WWOX: variants seen among roughly 807,000 people sequenced by gnomAD.
The protein encoded by WWOX is WW domain containing oxidoreductase, also known as WW domain-containing oxidoreductase.
WWOX carries 69 observed loss-of-function variants against 46.2 expected under a neutral mutation model. That is an observed-to-expected ratio of 1.49 (90% CI 1.23 to 1.82). The LOEUF is 1.82. Among genes scored for constraint, WWOX ranks in the 40% most tolerant of loss-of-function variants. WWOX has a pLI of 0.00. For synonymous variants in WWOX, 359 were observed against 202.6 expected, an observed-to-expected ratio of 1.77 and a Z score of -6.56; for missense variants, 919 against 542.6, an observed-to-expected ratio of 1.69 and a Z score of -6.89.
intron 8 of WWOX, among the ~76,000 whole-genome samples, chr16:79,074,358 C>T (rs1028799436): frequency 6.8e-6 from 1 of 146,628 alleles, no homozygotes; most frequent in Non-Finnish European, 1.5e-5. Context: ...TTCCTAAAAC[C>T]ACCGTTGTCA....
chr16:79,154,356 C>G (rs2050339267), intron 8 of WWOX, among the ~76,000 whole-genome samples: 1 of 152,160 alleles, frequency 6.6e-6, no homozygotes, highest in Non-Finnish European at 1.5e-5. Context: ...GACACCAGTT[C>G]TCTGTTCTCT....
intron 8 of WWOX, among the ~76,000 whole-genome samples, chr16:78,929,440 G>C (rs1318963659): frequency 6.6e-6 from 1 of 152,056 alleles, no homozygotes; most frequent in African/African-American, 2.4e-5. Flanking sequence ...ATTTTGAAGA[G>C]GAACTGCTAT....
intron 8 of WWOX, among the ~76,000 whole-genome samples, chr16:78,844,947 C>G (rs1464926578): frequency 6.6e-6 from 1 of 152,156 alleles, no homozygotes; most frequent in African/African-American, 2.4e-5. Flanking sequence ...ACAACAAAGA[C>G]TGGCCTATTG....
chr16:78,206,061 A>C (rs1157858217), intron 5 of WWOX, among the ~76,000 whole-genome samples: 1 of 151,648 alleles, frequency 6.6e-6, no homozygotes, highest in Non-Finnish European at 1.5e-5. Flanking sequence ...TCAATAGACG[A>C]TTAATGGAAG....
At chr16:78,855,882 G>T (rs893132483) in intron 8 of WWOX, among the ~76,000 whole-genome samples, 2 of 152,188 alleles carry the variant, frequency 1.3e-5, no homozygotes, top group African/African-American at 4.8e-5. Context: ...TTGAGGCCCA[G>T]TCCTTACTCT....
chr16:79,134,497 A>G (rs974782801), intron 8 of WWOX, among the ~76,000 whole-genome samples: 15 of 151,960 alleles, frequency 9.9e-5, no homozygotes, highest in African/African-American at 3.1e-4. Flanking sequence ...GTGCCTGCGG[A>G]TTGTTTGTTG....
chr16:78,805,628 G>C (rs988818231), intron 8 of WWOX, among the ~76,000 whole-genome samples: 1 of 152,076 alleles, frequency 6.6e-6, no homozygotes, highest in African/African-American at 2.4e-5. Context: ...CAGAAGAGTG[G>C]GATCTACTTT....
intron 8 of WWOX, among the ~76,000 whole-genome samples, chr16:79,041,445 C>G (rs983249110): frequency 2.6e-5 from 4 of 152,216 alleles, no homozygotes; most frequent in African/African-American, 9.7e-5. Context: ...CCTGGGCAGA[C>G]ATAAGCCCTG....
At chr16:79,198,989 C>G (rs540629676) in intron 8 of WWOX, among the ~76,000 whole-genome samples, 2 of 152,304 alleles carry the variant, frequency 1.3e-5, no homozygotes, top group African/African-American at 4.8e-5. Context: ...TTTGGTTCAG[C>G]TCCTAACTCT....
intron 6 of WWOX, among the ~76,000 whole-genome samples, chr16:78,394,979 G>T (rs1352934592): frequency 6.6e-6 from 1 of 152,172 alleles, no homozygotes; most frequent in Non-Finnish European, 1.5e-5. Context: ...TATTTTCACA[G>T]TGCTTTGCAG....
intron 8 of WWOX, among the ~76,000 whole-genome samples, chr16:78,930,034 A>G (rs746845089): frequency 6.6e-6 from 1 of 152,108 alleles, no homozygotes; most frequent in South Asian, 2.1e-4. Context: ...GAAGTCCCAC[A>G]TGGACTTCTT....
chr16:78,162,360 C>G (rs2034822411), intron 4 of WWOX, among the ~76,000 whole-genome samples: 2 of 152,070 alleles, frequency 1.3e-5, no homozygotes, highest in Admixed American at 6.6e-5. Flanking sequence ...CAGTTTTACT[C>G]TGATGTGCCT....
At chr16:78,333,492 A>G (rs752243020) in intron 5 of WWOX, among the ~76,000 whole-genome samples, 7 of 152,204 alleles carry the variant, frequency 4.6e-5, no homozygotes, top group Admixed American at 1.3e-4. Context: ...GGTAAAAAAT[A>G]TTTTGACAGA....
intron 8 of WWOX, among the ~76,000 whole-genome samples, chr16:78,619,932 A>AAATAAC (rs2046136508): frequency 1.3e-5 from 2 of 152,062 alleles, no homozygotes; most frequent in Admixed American, 1.3e-4. Flanking sequence ...ATAAAAATAA[A>AAATAAC]AGTAACAGAA....
intron 8 of WWOX, among the ~76,000 whole-genome samples, chr16:78,986,244 A>C (rs570550174): frequency 5.1e-4 from 78 of 152,360 alleles, no homozygotes; most frequent in Middle Eastern, 3.4e-3. Context: ...AGAAAAACTT[A>C]TTGAAAATAG....
chr16:78,601,701 A>C (rs760249175), intron 8 of WWOX, among the ~76,000 whole-genome samples: 1 of 152,236 alleles, frequency 6.6e-6, no homozygotes, highest in African/African-American at 2.4e-5. Flanking sequence ...TGGAATATTC[A>C]TAATCAGCAG....
At chr16:78,843,559 C>T (rs1319474467) in intron 8 of WWOX, among the ~76,000 whole-genome samples, 1 of 149,990 alleles carries the variant, frequency 6.7e-6, no homozygotes, top group Non-Finnish European at 1.5e-5. Flanking sequence ...TTGGAAATCA[C>T]TTCCTTGGCC....
At chr16:78,760,147 A>C (rs563221635) in intron 8 of WWOX, among the ~76,000 whole-genome samples, 2 of 152,322 alleles carry the variant, frequency 1.3e-5, no homozygotes, top group East Asian at 3.9e-4. Flanking sequence ...TCATGGCGGA[A>C]GGCAAAAGGC....
intron 8 of WWOX, among the ~76,000 whole-genome samples, chr16:78,832,953 A>G (rs1482831487): frequency 5.3e-5 from 8 of 151,974 alleles, no homozygotes; most frequent in African/African-American, 1.9e-4. Context: ...CATTTGGACA[A>G]TGTGCTATGT....
Sources: allele counts gnomAD v4.1 joint callset (sites outside exome capture counted in the v4.1 genomes callset), GRCh38; gene constraint gnomAD v4.1.1; transcripts MANE v1.5; gene names NCBI Gene and HGNC (gene_info 2026-07-23, HGNC 2026-07-21).